PTPRN2: variants seen among roughly 807,000 people sequenced by gnomAD.
The protein encoded by PTPRN2 is receptor-type tyrosine-protein phosphatase N2.
In PTPRN2, 74 loss-of-function variants were observed where a neutral mutation model predicts 118.8. The ratio of observed to expected loss-of-function variants is 0.62; its 90% CI spans 0.52 to 0.76. The LOEUF is 0.76. Ranked by LOEUF, PTPRN2 falls within the 30% of genes least tolerant of loss-of-function variation. PTPRN2 has a pLI of 0.00. For missense variants in PTPRN2, 1,481 were observed against 1,394.4 expected, an observed-to-expected ratio of 1.06 and a Z score of -0.99; for synonymous variants, 641 against 608.0, an observed-to-expected ratio of 1.05 and a Z score of -0.80.
At position 157,783,709 on chromosome 7, in the gene PTPRN2, G is replaced by A. The variant is rs570822627; in HGVS notation, c.1789-100772C>T. Among the ~76,000 whole-genome samples the A allele has an allele frequency of 4.6e-5, 7 of 151,834 alleles. No homozygotes were observed. In the South Asian group the frequency reaches 1.5e-3, roughly 32 times the overall value. ...GGCAGGAAGGCCTGTCCCACCTGTG[G>A]GTCCTGGATTCAGCCTCCCGCCCCA... On this transcript the variant is annotated intron_variant, in intron 12 of 22. Transcript: ENST00000389418.
At chr7:158,337,665 G>C (rs1469422362) in intron 2 of PTPRN2, among the ~76,000 whole-genome samples, 167 of 140,292 alleles carry the variant, frequency 1.2e-3, no homozygotes, top group Admixed American at 1.6e-3. Flanking sequence ...ACCATAATTG[G>C]TGACACCTGC....
chr7:157,638,476 A>G (rs1349276891), intron 14 of PTPRN2, among the ~76,000 whole-genome samples: 5 of 152,258 alleles, frequency 3.3e-5, no homozygotes, highest in South Asian at 2.1e-4. Context: ...AGGCTTCCAT[A>G]GTCAACCACA....
intron 1 of PTPRN2, among the ~76,000 whole-genome samples, chr7:158,556,724 TCAGGCGGCTCCC>T (rs1563430871): frequency 2.7e-5 from 4 of 148,138 alleles, no homozygotes; most frequent in South Asian, 4.3e-4. Context: ...CCCGGGCAGG[TCAGGCGGCTCCC>T]GGGCAGGTCA....
chr7:158,558,493 A>G (rs897996746), intron 1 of PTPRN2, among the ~76,000 whole-genome samples: 10 of 152,014 alleles, frequency 6.6e-5, no homozygotes, highest in Non-Finnish European at 2.9e-5. Flanking sequence ...CTGCCCAGCT[A>G]CCAGTTGGTC....
chr7:158,078,775 G>A (rs1812574910), intron 11 of PTPRN2, among the ~76,000 whole-genome samples: 1 of 152,078 alleles, frequency 6.6e-6, no homozygotes, highest in South Asian at 2.1e-4. Flanking sequence ...ACCACACATG[G>A]GCATGTCCAC....
chr7:158,038,888 A>C (rs916180744), intron 11 of PTPRN2, among the ~76,000 whole-genome samples: 12 of 152,148 alleles, frequency 7.9e-5, no homozygotes, highest in South Asian at 6.2e-4. Flanking sequence ...TGTTCAAACA[A>C]GCAATTCACT....
At chr7:158,540,457 A>G (rs2129449452) in intron 1 of PTPRN2, among the ~76,000 whole-genome samples, 1 of 150,412 alleles carries the variant, frequency 6.6e-6, no homozygotes, top group Middle Eastern at 3.4e-3. Flanking sequence ...TGTGGAGGTG[A>G]CGTGCTGGGT....
chr7:158,015,769 T>A lies in PTPRN2; in HGVS notation c.1723+65529A>T, dbSNP rs181686499. On this transcript the variant is annotated intron_variant, in intron 11 of 22. Transcript: ENST00000389418. The surrounding 1 kb of genome is among the most constrained non-coding windows in gnomAD (Gnocchi z 4.2). The stretch of plus-strand genomic sequence containing the variant: ...CACAAACATGTCTGTCTATTACAAT[T>A]GTCTAATGGTCCCAGGTCCAACACT... 5.3e-5 allele frequency among the ~76,000 whole-genome samples: 8 copies of A among 152,354 alleles called. No homozygotes were observed. Among genetic ancestry groups the A allele is most frequent in the Middle Eastern group, 3.4e-3 (1 of 294 alleles).
At chr7:157,657,267 T>TC (rs1186677336) in intron 13 of PTPRN2, among the ~76,000 whole-genome samples, 1 of 21,254 alleles carries the variant, frequency 4.7e-5, no homozygotes, top group Non-Finnish European at 8.4e-5. Context: ...TACACACACA[T>TC]ACACCACACA....
At chr7:158,408,955 A>G (rs1437008009) in intron 2 of PTPRN2, among the ~76,000 whole-genome samples, 2 of 151,638 alleles carry the variant, frequency 1.3e-5, no homozygotes, top group East Asian at 1.9e-4. Flanking sequence ...GTTAACCTCC[A>G]TATTTGCTAT....
chr7:158,402,607 C>A (rs1017589467), intron 2 of PTPRN2, among the ~76,000 whole-genome samples: 2 of 152,220 alleles, frequency 1.3e-5, no homozygotes, highest in Non-Finnish European at 2.9e-5. Context: ...AATGCAGAGT[C>A]ATCGATGAGT....
At chr7:157,982,446 T>G (rs1398142383) in intron 11 of PTPRN2, among the ~76,000 whole-genome samples, 1 of 107,674 alleles carries the variant, frequency 9.3e-6, no homozygotes, top group African/African-American at 3.7e-5. Context: ...GAATGCAGAG[T>G]GCAGGGTCCC....
rs140593587 is a variant in PTPRN2, at chr7:158,163,760, C to T, written c.910+3171G>A. On this transcript the variant is annotated intron_variant, in intron 6 of 22. Coordinates refer to ENST00000389418, the MANE Select transcript of PTPRN2 (RefSeq NM_002847.5). The stretch of plus-strand genomic sequence containing the variant: ...GTTCTCAATTCTATTTCATAGGTGA[C>T]GCCTGTACGGGGTTCTCAATTCTAT... Among the ~76,000 whole-genome samples, 823 of 150,880 alleles carry T rather than the reference C, an allele frequency of 5.5e-3. 5 individuals carry two copies. The highest frequency in any genetic ancestry group is 0.019 in the African/African-American group (774 of 40,670).
chr7:158,308,592 G>A (rs1330841892), intron 3 of PTPRN2, among the ~76,000 whole-genome samples: 1 of 151,310 alleles, frequency 6.6e-6, no homozygotes, highest in African/African-American at 2.4e-5. Flanking sequence ...CAGCACAAAG[G>A]AGGGAAAGAG....
chr7:158,289,738 T>C lies in PTPRN2; in HGVS notation c.277+27081A>G, dbSNP rs556388927. Reference sequence around the variant, plus strand: ...CCTTGGTTTTTCATGTTTGTTGTTGTTGTTGTTGTTGTTGCCTTACGTTGA... The same window carrying C: ...CCTTGGTTTTTCATGTTTGTTGTTGCTGTTGTTGTTGTTGCCTTACGTTGA... On this transcript the variant is annotated intron_variant, in intron 3 of 22. Coordinates refer to ENST00000389418, the MANE Select transcript of PTPRN2 (RefSeq NM_002847.5). Among the ~76,000 whole-genome samples the C allele has an allele frequency of 4.2e-4, 64 of 152,270 alleles. 1 individual carries two copies. The highest frequency in any genetic ancestry group is 3.4e-3 in the Middle Eastern group (1 of 294).
intron 5 of PTPRN2, among the ~76,000 whole-genome samples, chr7:158,183,236 C>T (rs1184888357): frequency 6.6e-6 from 1 of 152,104 alleles, no homozygotes; most frequent in Non-Finnish European, 1.5e-5. Flanking sequence ...TCTTTTTATC[C>T]ATTCTACCAA....
intron 12 of PTPRN2, among the ~76,000 whole-genome samples, chr7:157,778,495 C>T (rs780068408): frequency 4.6e-5 from 7 of 151,090 alleles, no homozygotes; most frequent in Admixed American, 2.0e-4. Flanking sequence ...AACATGTACA[C>T]GTGAATACAG....
intron 3 of PTPRN2, among the ~76,000 whole-genome samples, chr7:158,312,708 T>C (rs1801941637): frequency 3.6e-5 from 3 of 84,238 alleles, no homozygotes; most frequent in Non-Finnish European, 7.5e-5. Context: ...CTCATTCACG[T>C]GCTCACATAT....
At chr7:158,221,071 C>T (rs561251859) in intron 3 of PTPRN2, among the ~76,000 whole-genome samples, 1 of 152,168 alleles carries the variant, frequency 6.6e-6, no homozygotes, top group South Asian at 2.1e-4. Context: ...CACACACCTA[C>T]AAACATCTGA....
Sources: allele counts gnomAD v4.1 joint callset (sites outside exome capture counted in the v4.1 genomes callset), GRCh38; gene constraint gnomAD v4.1.1; non-coding constraint Gnocchi (gnomAD v3.1); transcripts MANE v1.5; gene names NCBI Gene and HGNC (gene_info 2026-07-23, HGNC 2026-07-21).